Variants in CTNNA3 observed in about 807,000 individuals in gnomAD.
The protein encoded by CTNNA3 is catenin alpha-3.
A neutral mutation model predicts 95.7 loss-of-function variants in CTNNA3; 76 were observed. That is an observed-to-expected ratio of 0.79 (90% CI 0.66 to 0.96). The LOEUF (loss-of-function observed/expected upper bound fraction) is 0.96. Among genes scored for constraint, CTNNA3 ranks in the 40% least tolerant of loss-of-function variants. The pLI, the probability that CTNNA3 is intolerant of heterozygous loss-of-function variation, is 0.00. For synonymous variants in CTNNA3, 431 were observed against 374.4 expected (o/e 1.15, Z -1.74); for missense variants, 1,191 against 1,089.8 (o/e 1.09, Z -1.31).
chr10:66,814,890 C>G, intron 7 of CTNNA3, among the ~76,000 whole-genome samples: 1 of 129,910 alleles, frequency 7.7e-6, no homozygotes, highest in African/African-American at 3.1e-5. Context: ...CTCGCTCTGT[C>G]ACCCAGGCTG....
chr10:66,548,586 G>A (rs1842111197), intron 10 of CTNNA3, among the ~76,000 whole-genome samples: 1 of 152,020 alleles, frequency 6.6e-6, no homozygotes, highest in African/African-American at 2.4e-5. Flanking sequence ...TTTATCAGCT[G>A]TGAACATTTT....
At chr10:67,346,684 G>A (rs760065753) in intron 5 of CTNNA3, 42 of 511,722 alleles carry the variant, frequency 8.2e-5, no homozygotes, top group Middle Eastern at 6.4e-4. Context: ...CTAATCTCGT[G>A]GCGATAGATG....
chr10:67,509,730 T>C (rs1019130127), intron 5 of CTNNA3, among the ~76,000 whole-genome samples: 9 of 152,228 alleles, frequency 5.9e-5, no homozygotes, highest in African/African-American at 2.2e-4. Context: ...CTGGATCAAA[T>C]GGTATTTCTG....
chr10:67,597,545 A>C (rs1453710963), intron 3 of CTNNA3, among the ~76,000 whole-genome samples: 9 of 152,156 alleles, frequency 5.9e-5, no homozygotes, highest in Non-Finnish European at 1.2e-4. Flanking sequence ...TCAGCTCATC[A>C]CTTCTGTGCT....
At chr10:66,864,642 T>A (rs1564731971) in intron 7 of CTNNA3, among the ~76,000 whole-genome samples, 1 of 152,154 alleles carries the variant, frequency 6.6e-6, no homozygotes, top group African/African-American at 2.4e-5. Flanking sequence ...CTATTTTCTA[T>A]CTTGATCTGA....
chr10:67,137,300 A>C (rs1404039695), intron 7 of CTNNA3, among the ~76,000 whole-genome samples: 1 of 105,426 alleles, frequency 9.5e-6, no homozygotes, highest in Non-Finnish European at 1.8e-5. Flanking sequence ...ATTTTGTTGC[A>C]TTTTCTGTAT....
At chr10:66,455,386 C>T (rs900298978) in intron 11 of CTNNA3, among the ~76,000 whole-genome samples, 2 of 152,022 alleles carry the variant, frequency 1.3e-5, no homozygotes, top group Non-Finnish European at 2.9e-5. Flanking sequence ...ACTCGTCAAC[C>T]CAATGGAGTG....
intron 3 of CTNNA3, among the ~76,000 whole-genome samples, chr10:67,543,461 A>G (rs1315087745): frequency 6.6e-6 from 1 of 152,112 alleles, no homozygotes; most frequent in Non-Finnish European, 1.5e-5. Flanking sequence ...TGCTTCATTT[A>G]AAAGTATAAT....
chr10:66,435,114 T>G (rs1332821418), intron 11 of CTNNA3, among the ~76,000 whole-genome samples: 1 of 151,988 alleles, frequency 6.6e-6, no homozygotes, highest in Non-Finnish European at 1.5e-5. Context: ...TTCTTTTTTT[T>G]GTTGTGTTTC....
At chr10:67,616,342 A>G (rs1354340673) in intron 2 of CTNNA3, among the ~76,000 whole-genome samples, 1 of 152,224 alleles carries the variant, frequency 6.6e-6, no homozygotes, top group African/African-American at 2.4e-5. Flanking sequence ...TTAAAGCATC[A>G]TTCTAAATGC....
chr10:66,468,824 A>T (rs1839023465), intron 11 of CTNNA3, among the ~76,000 whole-genome samples: 1 of 151,914 alleles, frequency 6.6e-6, no homozygotes, highest in Admixed American at 6.6e-5. Flanking sequence ...AGATAATCAC[A>T]GTCGAATTTT....
Position 65,914,323 on chromosome 10 carries a change from ATGTG to A in CTNNA3, c.*6003_*6006del, listed in dbSNP as rs1217739358. ...TACACATCCATTGCTCAAACTAGGA[ATGTG>A]TGTATTTCTTATGTGGCTCCACCGT... On this transcript the variant is annotated 3_prime_UTR_variant, in exon 18 of 18. Coordinates refer to ENST00000433211, the MANE Select transcript of CTNNA3 (RefSeq NM_013266.4). The A allele has an allele frequency of 6.6e-6, 1 of 152,116 alleles. No homozygotes were observed. The highest frequency in any genetic ancestry group is 2.4e-5 in the African/African-American group (1 of 41,430). The allele number at this position is 152,116 out of a possible 1,614,324, so 9.4% of individuals were successfully genotyped here. A position where few individuals can be genotyped will look rare whatever the true frequency, so the allele number is the denominator to read the frequency against.
chr10:67,740,331 T>G (rs1841328475), intron 1 of CTNNA3, among the ~76,000 whole-genome samples: 1 of 151,818 alleles, frequency 6.6e-6, no homozygotes, highest in African/African-American at 2.4e-5. Context: ...ACTCAAGAGC[T>G]TCTGCACAGC....
intron 7 of CTNNA3, among the ~76,000 whole-genome samples, chr10:67,112,591 T>A (rs1002787706): frequency 6.6e-6 from 1 of 151,076 alleles, no homozygotes; most frequent in African/African-American, 2.4e-5. Context: ...GTCTTAAGAG[T>A]CAAGGCAAGA....
intron 12 of CTNNA3, among the ~76,000 whole-genome samples, chr10:66,283,631 TA>T (rs2132168170): frequency 6.6e-6 from 1 of 151,988 alleles, no homozygotes; most frequent in South Asian, 2.1e-4. Context: ...TCAATTAAAA[TA>T]AAATCTTTCA....
intron 9 of CTNNA3, among the ~76,000 whole-genome samples, chr10:66,733,244 G>A (rs547582132): frequency 2.4e-4 from 36 of 151,832 alleles, no homozygotes; most frequent in Admixed American, 1.8e-3. Context: ...ATTTTCTTTC[G>A]AATTTCATCT....
At chr10:66,754,187 A>G (rs1839277880) in intron 9 of CTNNA3, among the ~76,000 whole-genome samples, 1 of 152,228 alleles carries the variant, frequency 6.6e-6, no homozygotes, top group African/African-American at 2.4e-5. Context: ...GTTGACATAT[A>G]GATCAGTGGA....
intron 7 of CTNNA3, among the ~76,000 whole-genome samples, chr10:66,797,410 A>C (rs1267190273): frequency 5.6e-5 from 8 of 143,506 alleles, no homozygotes; most frequent in Non-Finnish European, 1.2e-4. Context: ...AAGTAAGAAA[A>C]AAAAAAAAAA....
intron 9 of CTNNA3, among the ~76,000 whole-genome samples, chr10:66,732,154 G>A (rs534178762): frequency 1.3e-5 from 2 of 152,190 alleles, no homozygotes; most frequent in Non-Finnish European, 2.9e-5. Flanking sequence ...GGCTTGGAGA[G>A]GTTGCCCATG....
Sources: gnomAD v4.1 joint callset for allele counts (sites outside exome capture counted in the v4.1 genomes callset) on GRCh38, gnomAD v4.1.1 for gene constraint, MANE v1.5 for transcripts, NCBI Gene and HGNC (gene_info 2026-07-23, HGNC 2026-07-21) for gene names.